PLXDC2: variants seen among roughly 807,000 people sequenced by gnomAD.
The protein encoded by PLXDC2 is plexin domain-containing protein 2.
Under a neutral mutation model 68.9 loss-of-function variants are expected in PLXDC2, and 40 were observed. That is an observed-to-expected ratio of 0.58 (90% CI 0.45 to 0.76). The LOEUF is 0.76. Among genes scored for constraint, PLXDC2 ranks in the 30% least tolerant of loss-of-function variants. PLXDC2 has a pLI of 0.00. For missense variants in PLXDC2, 644 were observed against 661.9 expected (o/e 0.97, Z 0.30); for synonymous variants, 243 against 234.2 (o/e 1.04, Z -0.34).
intron 1 of PLXDC2, among the ~76,000 whole-genome samples, chr10:19,888,601 A>C (rs1190049652): frequency 6.6e-6 from 1 of 152,216 alleles, no homozygotes; most frequent in African/African-American, 2.4e-5. Context: ...GCTCACTTGC[A>C]GGCGAGGGAT....
At chr10:20,036,327 ATCT>A (rs1835577854) in intron 2 of PLXDC2, among the ~76,000 whole-genome samples, 1 of 152,154 alleles carries the variant, frequency 6.6e-6, no homozygotes, top group Non-Finnish European at 1.5e-5. Flanking sequence ...CTCTCTGTCC[ATCT>A]TCTGAGGACA....
Position 19,883,156 on chromosome 10 carries a change from G to T in PLXDC2, c.112+65965G>T, listed in dbSNP as rs565702725. On this transcript the variant is annotated intron_variant, in intron 1 of 13. Transcript: ENST00000377252. ...TTTTTGTATTTTTAGTAGAGATGGG[G>T]TTTCACTGTGTTAGCCAGGATGGTC... Among the ~76,000 whole-genome samples the T allele has an allele frequency of 4.6e-4, 70 of 151,960 alleles. No individual in the cohort carries two copies. In the South Asian group the frequency reaches 8.7e-3, roughly 19 times the overall value.
In PLXDC2 at chr10:20,248,684, A is replaced by G. The variant is rs575196974; in HGVS notation, c.1473+3179A>G. ...TGGAGGTGATAATCATAAATTTACTATTATTAAAACTGACCACTGTTTACA... is the reference window on the plus strand; with the variant it reads ...TGGAGGTGATAATCATAAATTTACTGTTATTAAAACTGACCACTGTTTACA... On this transcript the variant is annotated intron_variant, in intron 13 of 13. Transcript: ENST00000377252. Among the ~76,000 whole-genome samples, 7 of 152,292 alleles carry G rather than the reference A, an allele frequency of 4.6e-5. No homozygotes were observed. In the East Asian group the frequency reaches 1.4e-3, roughly 29 times the overall value.
intron 1 of PLXDC2, among the ~76,000 whole-genome samples, chr10:19,876,825 G>T (rs1837641323): frequency 6.6e-6 from 1 of 152,010 alleles, no homozygotes; most frequent in Non-Finnish European, 1.5e-5. Context: ...TGTAACTGTT[G>T]TCAGGTTAAA....
chr10:20,250,930 T>C (rs1329327807), intron 13 of PLXDC2, among the ~76,000 whole-genome samples: 1 of 152,110 alleles, frequency 6.6e-6, no homozygotes, highest in Non-Finnish European at 1.5e-5. Context: ...ATTATACATT[T>C]TGTGGACACC....
At chr10:20,176,390 A>ATATGTG in intron 7 of PLXDC2, among the ~76,000 whole-genome samples, 1 of 149,438 alleles carries the variant, frequency 6.7e-6, no homozygotes, top group African/African-American at 2.5e-5. Context: ...TCGCACAGTT[A>ATATGTG]TGTGTGTGTG....
chr10:19,964,293 G>A (rs573518660), intron 1 of PLXDC2, among the ~76,000 whole-genome samples: 10 of 152,198 alleles, frequency 6.6e-5, no homozygotes, highest in East Asian at 5.8e-4. Context: ...ATCTTTTGTC[G>A]GTTGGTTGGT....
chr10:20,274,608 G>C (rs1835980595), intron 13 of PLXDC2, among the ~76,000 whole-genome samples: 1 of 152,106 alleles, frequency 6.6e-6, no homozygotes, highest in Admixed American at 6.5e-5. Context: ...GATCACCCAG[G>C]CTTTGCTTCC....
At chr10:19,877,003 G>T (rs558380941) in intron 1 of PLXDC2, among the ~76,000 whole-genome samples, 1 of 152,294 alleles carries the variant, frequency 6.6e-6, no homozygotes, top group Admixed American at 6.5e-5. Context: ...GAAAATATGT[G>T]ATTCTATCTA....
chr10:20,001,842 G>A lies in PLXDC2; in HGVS notation c.180G>A (p.Ala60=), dbSNP rs149037714. The A allele has an allele frequency of 2.4e-5, 38 of 1,613,880 alleles. No homozygotes were observed. Among genetic ancestry groups the A allele is most frequent in the East Asian group, 4.5e-5 (2 of 44,882 alleles). ...AGGAGGTGGAAGTTGATTCACACGC[G>A]TACAGCCACAGGTGGAAAAGAAACT... ...TEEEVEVDSH[A]YSHRWKRNLD... Residue 60 remains alanine (A), a synonymous_variant, in exon 2 of 14, where the codon GCG becomes GCA. Transcript: ENST00000377252.
Position 20,283,987 on chromosome 10 carries a change from G to A in PLXDC2, c.*4168G>A. The A allele has an allele frequency of 6.6e-6, 1 of 152,070 alleles. No individual in the cohort carries two copies. Among genetic ancestry groups the A allele is most frequent in the East Asian group, 1.9e-4 (1 of 5,194 alleles). The allele number at this position is 152,070 out of a possible 1,614,324, so 9.4% of individuals were successfully genotyped here. On this transcript the variant is annotated 3_prime_UTR_variant, in exon 14 of 14. Transcript: ENST00000377252. ...ACAGATTCTTATGTTACATCTTCATGAGGGAGTATAAATTTGATCACGTCC... is the reference window on the plus strand; with the variant it reads ...ACAGATTCTTATGTTACATCTTCATAAGGGAGTATAAATTTGATCACGTCC...
chr10:20,268,735 C>A (rs1835900419), intron 13 of PLXDC2, among the ~76,000 whole-genome samples: 1 of 152,118 alleles, frequency 6.6e-6, no homozygotes, highest in Admixed American at 6.6e-5. Context: ...AGGAACACAG[C>A]CAGTCTGTTG....
At chr10:19,937,419 C>T (rs989980536) in intron 1 of PLXDC2, among the ~76,000 whole-genome samples, 2 of 151,774 alleles carry the variant, frequency 1.3e-5, no homozygotes, top group African/African-American at 4.8e-5. Context: ...CTTCATTCTT[C>T]ACTTCCTTCT....
At chr10:20,230,945 C>T (rs1031242419) in intron 12 of PLXDC2, among the ~76,000 whole-genome samples, 8 of 150,688 alleles carry the variant, frequency 5.3e-5, no homozygotes, top group Non-Finnish European at 1.0e-4. Flanking sequence ...TTATAGACTA[C>T]ACTCTTTGAC....
At chr10:19,876,625 A>T (rs200988563) in intron 1 of PLXDC2, among the ~76,000 whole-genome samples, 1 of 134,150 alleles carries the variant, frequency 7.5e-6, no homozygotes, top group Non-Finnish European at 1.6e-5. Context: ...AAAAAAAAAA[A>T]GAGAGAGAGA....
intron 4 of PLXDC2, among the ~76,000 whole-genome samples, chr10:20,131,592 G>C (rs192328814): frequency 6.6e-6 from 1 of 152,208 alleles, no homozygotes; most frequent in African/African-American, 2.4e-5. Context: ...TAGAGACAGG[G>C]TTTCATCATA....
intron 13 of PLXDC2, among the ~76,000 whole-genome samples, chr10:20,253,121 T>C (rs2460581): frequency 0.46 from 70,150 of 151,810 alleles, 17,733 homozygotes; most frequent in Middle Eastern, 0.62. Context: ...TCCCAGAACA[T>C]TGGGAGACCG....
intron 1 of PLXDC2, among the ~76,000 whole-genome samples, chr10:19,844,155 A>G (rs1212900623): frequency 6.6e-6 from 1 of 152,218 alleles, no homozygotes. Context: ...CTCAACGTCA[A>G]TTACCTCAAT....
At chr10:20,146,520 C>CTTCCTTCCTTCT (rs769963841) in intron 5 of PLXDC2, among the ~76,000 whole-genome samples, 1 of 142,106 alleles carries the variant, frequency 7.0e-6, no homozygotes, top group East Asian at 2.1e-4. Context: ...TCCTTCCTTC[C>CTTCCTTCCTTCT]TCCCTCCCTC....
Sources: allele counts gnomAD v4.1 joint callset (sites outside exome capture counted in the v4.1 genomes callset), GRCh38; gene constraint gnomAD v4.1.1; transcripts MANE v1.5; gene names NCBI Gene and HGNC (gene_info 2026-07-23, HGNC 2026-07-21).